Variants in GFRA3 observed in about 807,000 individuals in gnomAD.
GFRA3 encodes GDNF family receptor alpha-3.
A neutral mutation model predicts 40.0 loss-of-function variants in GFRA3; 24 were observed. That is an observed-to-expected ratio of 0.60 (90% CI 0.43 to 0.84). The LOEUF is 0.84. Among genes scored for constraint, GFRA3 ranks in the 40% least tolerant of loss-of-function variants. GFRA3 has a pLI of 0.00. For missense variants in GFRA3, 405 were observed against 530.6 expected (o/e 0.76, Z 2.33); for synonymous variants, 203 against 213.5 (o/e 0.95, Z 0.43).
rs772619328 is a variant in GFRA3, at chr5:138,257,590, A to G, written c.785+49T>C. 4 of 1,499,506 alleles carry G rather than the reference A, an allele frequency of 2.7e-6. No homozygotes were observed. The African/African-American group carries it at 4.1e-5, about 16-fold the overall frequency. The allele number at this position is 1,499,506 out of a possible 1,614,324, so 92.9% of individuals were successfully genotyped here. On this transcript the variant is annotated intron_variant, in intron 4 of 7. Coordinates refer to ENST00000274721, the MANE Select transcript of GFRA3 (RefSeq NM_001496.4). Reference sequence around the variant, plus strand: ...CAGCACAGGAACGTGGCCAGGAAGGAGTGGCGTGTGCCTCATCCCTGCCCA... The same window carrying G: ...CAGCACAGGAACGTGGCCAGGAAGGGGTGGCGTGTGCCTCATCCCTGCCCA...
At chr5:138,271,913 T>TTG (rs1554111238) in intron 1 of GFRA3, among the ~76,000 whole-genome samples, 2,178 of 54,232 alleles carry the variant, frequency 0.04, 98 homozygotes, top group South Asian at 0.079. Flanking sequence ...TTTTTTTTTT[T>TTG]TGTGTGTGTG....
At chr5:138,261,693 CA>C (rs70979598) in intron 2 of GFRA3, among the ~76,000 whole-genome samples, 879 of 46,336 alleles carry the variant, frequency 0.019, 2 homozygotes, top group African/African-American at 0.037. Flanking sequence ...GACTCTGTCT[CA>C]AAAAAAAAAA....
In GFRA3 at chr5:138,271,787, G is replaced by A. The variant is rs568716111; in HGVS notation, c.91+2547C>T. ...GAGATGGGTTTTCACCATGTTGCCC[G>A]GGCTGGTCTCGAACTCTTGAGCTCA... On this transcript the variant is annotated intron_variant, in intron 1 of 7. Coordinates refer to ENST00000274721, the MANE Select transcript of GFRA3 (RefSeq NM_001496.4). Among the ~76,000 whole-genome samples the A allele has an allele frequency of 1.1e-3, 165 of 148,544 alleles. 9 individuals are homozygous for A. Among genetic ancestry groups the A allele is most frequent in the African/African-American group, 6.4e-4 (25 of 39,128 alleles).
intron 2 of GFRA3, among the ~76,000 whole-genome samples, chr5:138,263,931 T>C (rs557605597): frequency 1.5e-4 from 23 of 152,308 alleles, no homozygotes; most frequent in South Asian, 2.1e-4. Flanking sequence ...GGAGCCTGTT[T>C]ATGGGTTAAG....
Position 138,264,415 on chromosome 5 carries a change from C to G in GFRA3, c.225G>C (p.Leu75=), listed in dbSNP as rs777229925. Residue 75 remains leucine (L), a synonymous_variant, in exon 2 of 8, where the codon CTG becomes CTC. Coordinates refer to ENST00000274721, the MANE Select transcript of GFRA3 (RefSeq NM_001496.4). The part of the protein sequence containing the change: ...DSCTSSISTP[L]PSEEPSVPAD... ...CAGGGACCGAAGGCTCCTCTGAGGG[C>G]AGTGGGGTGCTTATGCTAGAGGTGC... 5 of 1,613,998 alleles carry G rather than the reference C, an allele frequency of 3.1e-6. No individual in the cohort carries two copies. The Admixed American group carries it at 8.3e-5, about 27-fold the overall frequency.
Position 138,254,220 on chromosome 5 carries a change from C to T in GFRA3, c.786-60G>A. The T allele has an allele frequency of 1.8e-5, 17 of 962,348 alleles. No individual in the cohort carries two copies. In the South Asian group the frequency reaches 2.0e-4, roughly 11 times the overall value. The allele number at this position is 962,348 out of a possible 1,614,324, so 59.6% of individuals were successfully genotyped here. A position where few individuals can be genotyped will look rare whatever the true frequency, so the allele number is the denominator to read the frequency against. On this transcript the variant is annotated intron_variant, in intron 4 of 7. Transcript: ENST00000274721. ...TTTTTTTTTGAGATGATGTCTCACT[C>T]TCTCTTGCCCAGGCTGGAGTGCAGT...
intron 1 of GFRA3, among the ~76,000 whole-genome samples, chr5:138,272,332 G>A (rs2126622730): frequency 6.6e-6 from 1 of 150,976 alleles, no homozygotes; most frequent in East Asian, 2.0e-4. Context: ...TGTAATTAGT[G>A]GCCAACATTT....
Position 138,264,445 on chromosome 5 carries a change from A to T in GFRA3, c.195T>A (p.Asp65Glu). ...PTCSAAYHHL[D>E]SCTSSISTPL... Reference sequence around the variant, plus strand: ...GGGTGCTTATGCTAGAGGTGCAGGAATCCAGGTGGTGGTAGGCAGCACTGC... The same window carrying T: ...GGGTGCTTATGCTAGAGGTGCAGGATTCCAGGTGGTGGTAGGCAGCACTGC... Residue 65 changes from aspartate (D) to glutamate (E), a missense_variant, in exon 2 of 8, where the codon GAT becomes GAA. Coordinates refer to ENST00000274721, the MANE Select transcript of GFRA3 (RefSeq NM_001496.4). 6.2e-7 allele frequency: 1 copy of T among 1,614,036 alleles called. No homozygotes were observed. The highest frequency in any genetic ancestry group is 8.5e-7 in the Non-Finnish European group (1 of 1,179,918).
chr5:138,264,088 T>C (rs1755747639), intron 2 of GFRA3, among the ~76,000 whole-genome samples, 173 bp downstream of exon 2: 1 of 152,132 alleles, frequency 6.6e-6, no homozygotes, highest in Admixed American at 6.6e-5. Flanking sequence ...GGCAGTGTTA[T>C]GGGGCCCCAA....
At chr5:138,269,262 C>G (rs949779362) in intron 1 of GFRA3, among the ~76,000 whole-genome samples, 1 of 151,946 alleles carries the variant, frequency 6.6e-6, no homozygotes, top group African/African-American at 2.4e-5. Flanking sequence ...GTAGTCTGGG[C>G]GTGGTGGCTC....
At chr5:138,260,207 T>C (rs1029632404) in intron 2 of GFRA3, among the ~76,000 whole-genome samples, 3 of 152,168 alleles carry the variant, frequency 2.0e-5, no homozygotes, top group Non-Finnish European at 4.4e-5. Flanking sequence ...CCAGGTGACT[T>C]GCTCTGGTCT....
In GFRA3 at chr5:138,257,954, G is replaced by T. The variant is rs746399710; in HGVS notation, c.473-3C>A. 3.1e-6 allele frequency: 5 copies of T among 1,612,028 alleles called. No homozygotes were observed. The highest frequency in any genetic ancestry group is 1.1e-5 in the South Asian group (1 of 91,032). ...AAACTTGAGGCAGAGGTCTGAGTCT[G>T]GGGGGAAAGGGCACGGAGTCAGTCG... On this transcript the variant is annotated splice_polypyrimidine_tract_variant and splice_region_variant and intron_variant, in intron 3 of 7. Transcript: ENST00000274721.
chr5:138,253,680 G>A, intron 6 of GFRA3, 86 bp downstream of exon 6: 1 of 1,291,460 alleles, frequency 7.7e-7, no homozygotes, highest in Non-Finnish European at 1.1e-6. Flanking sequence ...GATGGAACCA[G>A]CCTGGGCCAC....
Position 138,263,421 on chromosome 5 carries a change from C to G in GFRA3, c.379+840G>C, listed in dbSNP as rs529090137. On this transcript the variant is annotated intron_variant, in intron 2 of 7. Transcript: ENST00000274721. Reference sequence around the variant, plus strand: ...TTGCCTTCCCTGTAAGATTGTATATCCTCACTTATTGCCATGTGATTTTTG... The same window carrying G: ...TTGCCTTCCCTGTAAGATTGTATATGCTCACTTATTGCCATGTGATTTTTG... 2.0e-5 allele frequency among the ~76,000 whole-genome samples: 3 copies of G among 152,296 alleles called. No individual in the cohort carries two copies. In the South Asian group the frequency reaches 6.2e-4, roughly 32 times the overall value.
intron 2 of GFRA3, among the ~76,000 whole-genome samples, chr5:138,260,380 G>A (rs1204876910): frequency 1.3e-5 from 2 of 152,246 alleles, no homozygotes; most frequent in African/African-American, 4.8e-5. Context: ...TCCAGCAGAT[G>A]TGTAACATGA....
In GFRA3 at chr5:138,268,762, C is replaced by T. The variant is rs149570390; in HGVS notation, c.92-4214G>A. On this transcript the variant is annotated intron_variant, in intron 1 of 7. Transcript: ENST00000274721. The stretch of plus-strand genomic sequence containing the variant: ...AAAATTAGCCAGGTGTGGAGGCGAG[C>T]GCCTGTAGTCCCAGCTACTCAGGAT... Among the ~76,000 whole-genome samples, 4 of 151,752 alleles carry T rather than the reference C, an allele frequency of 2.6e-5. No homozygotes were observed. In the East Asian group the frequency reaches 5.8e-4, roughly 22 times the overall value.
At chr5:138,272,151 G>A (rs1401723755) in intron 1 of GFRA3, among the ~76,000 whole-genome samples, 2 of 150,772 alleles carry the variant, frequency 1.3e-5, no homozygotes, top group African/African-American at 4.9e-5. Context: ...GACTACAGGC[G>A]CCCACCAGCA....
intron 2 of GFRA3, among the ~76,000 whole-genome samples, chr5:138,261,316 A>AG: frequency 6.6e-6 from 1 of 152,348 alleles, no homozygotes; most frequent in East Asian, 1.9e-4. Context: ...GCAAGGTACT[A>AG]CAAGATATAA....
intron 4 of GFRA3, among the ~76,000 whole-genome samples, chr5:138,254,376 G>A (rs1349910295): frequency 1.3e-5 from 2 of 151,866 alleles, no homozygotes; most frequent in African/African-American, 2.4e-5. Context: ...TAGTAGAGAC[G>A]GGGTTTCACC....
Sources: allele counts gnomAD v4.1 joint callset (sites outside exome capture counted in the v4.1 genomes callset), GRCh38; gene constraint gnomAD v4.1.1; transcripts MANE v1.5; gene names NCBI Gene and HGNC (gene_info 2026-07-23, HGNC 2026-07-21).